ZNF277: variants seen among roughly 807,000 people sequenced by gnomAD.
The protein encoded by ZNF277 is zinc finger protein 277.
ZNF277 carries 55 observed loss-of-function variants against 60.7 expected under a neutral mutation model. The observed-to-expected ratio is 0.91, with a 90% CI of 0.73 to 1.13. The LOEUF is 1.13. ZNF277 is among the 50% of genes most tolerant of loss of function. The probability of loss-of-function intolerance (pLI) is 0.00; values close to 1 mark genes in which losing one functional copy is unlikely to be tolerated. For synonymous variants in ZNF277, 178 were observed against 179.3 expected, an observed-to-expected ratio of 0.99 and a Z score of 0.06; for missense variants, 510 against 523.0, an observed-to-expected ratio of 0.98 and a Z score of 0.24.
At chr7:112,272,256 A>G (rs1273058926) in intron 1 of ZNF277, among the ~76,000 whole-genome samples, 1 of 152,198 alleles carries the variant, frequency 6.6e-6, no homozygotes, top group African/African-American at 2.4e-5. Flanking sequence ...GTTGCAGATG[A>G]CAAGATCTCA....
intron 1 of ZNF277, among the ~76,000 whole-genome samples, chr7:112,233,902 G>T (rs570141121): frequency 6.6e-6 from 1 of 151,584 alleles, no homozygotes; most frequent in Admixed American, 6.6e-5. Context: ...GTAAATTAAA[G>T]TTCTTATTGC....
intron 1 of ZNF277, among the ~76,000 whole-genome samples, chr7:112,251,374 G>A (rs1313535930): frequency 6.6e-6 from 1 of 152,138 alleles, no homozygotes. Flanking sequence ...TATATAATGG[G>A]ATTTTATGTG....
intron 1 of ZNF277, among the ~76,000 whole-genome samples, chr7:112,284,643 A>G (rs368056363): frequency 1.3e-3 from 196 of 152,222 alleles, no homozygotes; most frequent in African/African-American, 4.5e-3. Flanking sequence ...TAAAGGGCTT[A>G]TGTATTTTAA....
At chr7:112,339,988 C>G in intron 10 of ZNF277, 103 bp downstream of exon 10, 1 of 1,000,194 alleles carries the variant, frequency 1.0e-6, no homozygotes, top group South Asian at 1.4e-5. Flanking sequence ...AGTGCACCAC[C>G]AAAACATGTC....
intron 5 of ZNF277, among the ~76,000 whole-genome samples, chr7:112,326,478 A>G (rs932369113): frequency 1.8e-4 from 27 of 152,148 alleles, no homozygotes; most frequent in African/African-American, 6.3e-4. Flanking sequence ...GAACCCCTGG[A>G]AAGGTCTAGC....
chr7:112,327,587 A>G (rs1793128407), intron 5 of ZNF277, 130 bp from the exon 6 acceptor site: 3 of 666,354 alleles, frequency 4.5e-6, no homozygotes, highest in Non-Finnish European at 7.9e-6. Context: ...TAATAGCTGA[A>G]ATCTTTGTGT....
At position 112,206,814 on chromosome 7, in the gene ZNF277, A is replaced by G. The variant is rs766273134; in HGVS notation, c.91+7A>G. ...GGGGGTGTAGGTTATGGGGGTGAGT[A>G]CGGTGCCCCGGAGGCGCGGCTGATG... On this transcript the variant is annotated splice_region_variant and intron_variant, in intron 1 of 11. Coordinates refer to ENST00000361822, the MANE Select transcript of ZNF277 (RefSeq NM_021994.3). The G allele has an allele frequency of 1.9e-6, 3 of 1,612,300 alleles. No homozygotes were observed. The highest frequency in any genetic ancestry group is 1.3e-5 in the African/African-American group (1 of 74,800).
At chr7:112,279,920 G>A (rs1405667152) in intron 1 of ZNF277, among the ~76,000 whole-genome samples, 1 of 152,128 alleles carries the variant, frequency 6.6e-6, no homozygotes, top group African/African-American at 2.4e-5. Context: ...AGGTGTGGCT[G>A]AGGCTGAAGA....
intron 4 of ZNF277, among the ~76,000 whole-genome samples, chr7:112,310,783 C>T (rs1306894651): frequency 2.0e-5 from 3 of 152,010 alleles, no homozygotes; most frequent in African/African-American, 7.2e-5. Context: ...CACTGGACTC[C>T]TAGGCTGAGA....
At position 112,303,318 on chromosome 7, in the gene ZNF277, G is replaced by A. The variant is rs370362921; in HGVS notation, c.465+7007G>A. On this transcript the variant is annotated intron_variant, in intron 4 of 11. Transcript: ENST00000361822. ...AAATGGCTGAACAGGACATAAATAT[G>A]TATGTAAATAAATAATAATATTCTG... Among the ~76,000 whole-genome samples the A allele has an allele frequency of 1.2e-3, 189 of 152,136 alleles. 1 individual carries two copies. Among genetic ancestry groups the A allele is most frequent in the African/African-American group, 4.2e-3 (176 of 41,524 alleles).
intron 4 of ZNF277, among the ~76,000 whole-genome samples, chr7:112,299,657 T>C (rs1792429124): frequency 1.3e-5 from 2 of 152,354 alleles, no homozygotes; most frequent in Non-Finnish European, 1.5e-5. Context: ...TTCTAGTTTC[T>C]AAAACATGTA....
rs192365043 is a variant in ZNF277 at position 112,239,150 on chromosome 7, C to G, written c.91+32343C>G. Reference sequence around the variant, plus strand: ...GCTATGGTGTCCACAGAGAAAGACTCCTTCTTGAGGAAAGGAGAGGGAAGA... The same window carrying G: ...GCTATGGTGTCCACAGAGAAAGACTGCTTCTTGAGGAAAGGAGAGGGAAGA... On this transcript the variant is annotated intron_variant, in intron 1 of 11. Transcript: ENST00000361822. Among the ~76,000 whole-genome samples the G allele has an allele frequency of 2.0e-5, 3 of 152,132 alleles. No homozygotes were observed. The East Asian group carries it at 5.8e-4, about 30-fold the overall frequency.
intron 6 of ZNF277, 124 bp downstream of exon 6, chr7:112,327,951 A>T: frequency 3.0e-6 from 2 of 671,908 alleles, no homozygotes; most frequent in Admixed American, 3.3e-5. Flanking sequence ...GGAGGAGTTC[A>T]CATTTTGTAC....
At chr7:112,271,876 C>T (rs1791677009) in intron 1 of ZNF277, among the ~76,000 whole-genome samples, 1 of 151,998 alleles carries the variant, frequency 6.6e-6, no homozygotes, top group Admixed American at 6.6e-5. Flanking sequence ...ACATACAGTG[C>T]ATAATAATCA....
intron 1 of ZNF277, among the ~76,000 whole-genome samples, chr7:112,244,862 C>T (rs1791046805): frequency 6.6e-6 from 1 of 151,958 alleles, no homozygotes; most frequent in African/African-American, 2.4e-5. Flanking sequence ...TTTAAAGCCT[C>T]ATAATATACA....
intron 4 of ZNF277, among the ~76,000 whole-genome samples, chr7:112,298,872 A>G (rs954881806): frequency 5.9e-5 from 9 of 152,216 alleles, no homozygotes; most frequent in African/African-American, 2.2e-4. Context: ...CATTCCAGGT[A>G]CATGCCTTTT....
chr7:112,292,923 T>C (rs565838492), intron 2 of ZNF277, among the ~76,000 whole-genome samples: 5 of 152,220 alleles, frequency 3.3e-5, no homozygotes, highest in African/African-American at 1.2e-4. Flanking sequence ...GGGATAAATA[T>C]AAATTATTCA....
At chr7:112,258,794 A>G (rs1222843952) in intron 1 of ZNF277, among the ~76,000 whole-genome samples, 2 of 152,048 alleles carry the variant, frequency 1.3e-5, no homozygotes, top group African/African-American at 4.8e-5. Flanking sequence ...AACATGCTTT[A>G]TTATTTTGGC....
At chr7:112,319,799 T>C (rs1157731427) in intron 5 of ZNF277, among the ~76,000 whole-genome samples, 2 of 151,402 alleles carry the variant, frequency 1.3e-5, no homozygotes, top group African/African-American at 4.8e-5. Flanking sequence ...TAGAGAAAAA[T>C]CGGTGCCAAG....
Sources: allele counts gnomAD v4.1 joint callset (sites outside exome capture counted in the v4.1 genomes callset), GRCh38; gene constraint gnomAD v4.1.1; transcripts MANE v1.5; gene names NCBI Gene and HGNC (gene_info 2026-07-23, HGNC 2026-07-21).